Variants in ARPP21 observed in about 807,000 individuals in gnomAD.
ARPP21 encodes the protein cAMP regulated phosphoprotein 21, also known as cAMP-regulated phosphoprotein 21.
In ARPP21, 69 loss-of-function variants were observed where a neutral mutation model predicts 113.2. That is an observed-to-expected ratio of 0.61 (90% confidence interval 0.50 to 0.74). ARPP21 has a LOEUF of 0.74. Among genes scored for constraint, ARPP21 ranks in the 30% least tolerant of loss-of-function variants. The probability of loss-of-function intolerance (pLI) is 0.00; values close to 1 mark genes in which losing one functional copy is unlikely to be tolerated. For synonymous variants in ARPP21, 368 were observed against 375.5 expected (o/e 0.98, Z 0.23); for missense variants, 1,070 against 1,037.4 (o/e 1.03, Z -0.43).
intron 17 of ARPP21, 132 bp from the exon 18 acceptor site, chr3:35,739,184 AT>A: frequency 9.2e-7 from 1 of 1,085,478 alleles, no homozygotes. Context: ...GAATTATTTT[AT>A]TTTATTTTTT....
chr3:35,666,099 A>C (rs760573729), intron 1 of ARPP21, among the ~76,000 whole-genome samples: 7 of 152,082 alleles, frequency 4.6e-5, no homozygotes, highest in Non-Finnish European at 8.8e-5. Context: ...ATACTCAGTC[A>C]AGGAGATTAA....
chr3:35,756,373 C>G (rs1376670550), intron 19 of ARPP21, among the ~76,000 whole-genome samples: 4 of 152,094 alleles, frequency 2.6e-5, no homozygotes, highest in Non-Finnish European at 5.9e-5. Flanking sequence ...TAGTATGATT[C>G]CATGGCTGAG....
Position 35,737,491 on chromosome 3 carries a change from C to T in ARPP21, c.1644+129C>T, listed in dbSNP as rs937685579. On this transcript the variant is annotated intron_variant, in intron 16 of 20. Coordinates refer to ENST00000684406, the MANE Select transcript of ARPP21 (RefSeq NM_001385562.1). Reference sequence around the variant, plus strand: ...AAGCCTCACAAATAAAACCTGGCAGCATAGAGTTCTTTGCAGATTGACAGG... The same window carrying T: ...AAGCCTCACAAATAAAACCTGGCAGTATAGAGTTCTTTGCAGATTGACAGG... 17 of 586,122 alleles carry T rather than the reference C, an allele frequency of 2.9e-5. No homozygotes were observed. In the African/African-American group the frequency reaches 3.2e-4, roughly 11 times the overall value. The allele number at this position is 586,122 out of a possible 1,614,324, so 36.3% of individuals were successfully genotyped here.
At chr3:35,702,317 A>G (rs1393148027) in intron 9 of ARPP21, among the ~76,000 whole-genome samples, 1 of 151,626 alleles carries the variant, frequency 6.6e-6, no homozygotes, top group African/African-American at 2.4e-5. Context: ...TCTACTATAG[A>G]TTTTTCACTA....
chr3:35,793,631 C>A, intron 20 of ARPP21, 70 bp from the exon 21 acceptor site: 1 of 1,011,296 alleles, frequency 9.9e-7, no homozygotes, highest in Non-Finnish European at 1.6e-6. Flanking sequence ...TTTTTCATGA[C>A]ACCATGTTGT....
At chr3:35,695,715 G>A (rs936396125) in intron 9 of ARPP21, among the ~76,000 whole-genome samples, 9 of 151,494 alleles carry the variant, frequency 5.9e-5, no homozygotes, top group African/African-American at 1.9e-4. Flanking sequence ...TAAGGAGGGG[G>A]ATACATGGCA....
At chr3:35,729,659 C>A in intron 15 of ARPP21, 123 bp downstream of exon 15, 1 of 807,302 alleles carries the variant, frequency 1.2e-6, no homozygotes, top group Non-Finnish European at 2.0e-6. Context: ...GTTGCATGAA[C>A]TGTTATGAAG....
At chr3:35,710,405 A>G (rs1217546033) in intron 11 of ARPP21, among the ~76,000 whole-genome samples, 1 of 152,182 alleles carries the variant, frequency 6.6e-6, no homozygotes, top group Non-Finnish European at 1.5e-5. Context: ...TCCAGTCATA[A>G]TAAGGATGCC....
chr3:35,688,101 A>G (rs1234097291), intron 6 of ARPP21, among the ~76,000 whole-genome samples: 1 of 151,564 alleles, frequency 6.6e-6, no homozygotes, highest in Non-Finnish European at 1.5e-5. Context: ...TTAGGATCAC[A>G]TATTTCTTTG....
chr3:35,695,648 G>C (rs1437724579), intron 9 of ARPP21, among the ~76,000 whole-genome samples: 1 of 151,462 alleles, frequency 6.6e-6, no homozygotes, highest in Non-Finnish European at 1.5e-5. Context: ...TCCATTTCAT[G>C]GTTCAAATAG....
At chr3:35,653,713 C>T (rs1413025459) in intron 1 of ARPP21, among the ~76,000 whole-genome samples, 2 of 152,018 alleles carry the variant, frequency 1.3e-5, no homozygotes, top group Non-Finnish European at 2.9e-5. Context: ...TCATGAGTTA[C>T]GTATAAAATA....
intron 16 of ARPP21, 52 bp downstream of exon 16, chr3:35,737,414 A>G (rs1313596048): frequency 3.9e-6 from 5 of 1,286,304 alleles, no homozygotes; most frequent in East Asian, 2.4e-5. Context: ...GATGAAGGCT[A>G]CATAGTCCTC....
chr3:35,718,759 C>T (rs1461732486), intron 13 of ARPP21, among the ~76,000 whole-genome samples: 1 of 152,116 alleles, frequency 6.6e-6, no homozygotes, highest in South Asian at 2.1e-4. Flanking sequence ...TTAATCAGCA[C>T]AGAAGCAGAG....
intron 9 of ARPP21, 80 bp from the exon 10 acceptor site, chr3:35,706,894 T>G: frequency 1.9e-6 from 2 of 1,045,398 alleles, no homozygotes; most frequent in Admixed American, 2.2e-5. Context: ...AATGACACTG[T>G]GGGGGAAGAA....
rs925467470 is a variant in ARPP21 at position 35,648,022 on chromosome 3, G to GA, written c.-213+7633dup. 3.1e-4 allele frequency among the ~76,000 whole-genome samples: 47 copies of GA among 151,336 alleles called. 2 individuals are homozygous for GA. The South Asian group carries it at 7.7e-3, about 25-fold the overall frequency. On this transcript the variant is annotated intron_variant, in intron 1 of 20. Transcript: ENST00000684406. ...TTTAAGGATCCCCACCTCCATTTAA[G>GA]AAAAAAAAATATTTTGGTAATTTGG...
Position 35,721,788 on chromosome 3 carries a change from T to C in ARPP21, c.1179T>C (p.Gly393=), listed in dbSNP as rs1205856755. 3.1e-6 allele frequency: 5 copies of C among 1,612,924 alleles called. No individual in the cohort carries two copies. The highest frequency in any genetic ancestry group is 4.2e-6 in the Non-Finnish European group (5 of 1,179,516). ...GGGGCATCACGGTGCTGACCAGGGG[T>C]GACAGCACTTCCAGTACTAGGAGTA... The part of the protein sequence containing the change: ...SFGGITVLTR[G]DSTSSTRSTG... Residue 393 remains glycine (G), a synonymous_variant, in exon 14 of 21, where the codon GGT becomes GGC. Coordinates refer to ENST00000684406, the MANE Select transcript of ARPP21 (RefSeq NM_001385562.1).
chr3:35,689,300 G>A lies in ARPP21; in HGVS notation c.407-7G>A, dbSNP rs1403259653. 1 of 1,461,378 alleles carries A rather than the reference G, an allele frequency of 6.8e-7. No individual in the cohort carries two copies. The highest frequency in any genetic ancestry group is 2.3e-5 in the East Asian group (1 of 43,982). The allele number at this position is 1,461,378 out of a possible 1,614,324, so 90.5% of individuals were successfully genotyped here. ...TCCTGACAGCTCCGTCCTGCTATTT[G>A]TTTCAGATTGCAGCCAAGAATACAC... On this transcript the variant is annotated splice_polypyrimidine_tract_variant and splice_region_variant and intron_variant, in intron 6 of 20. Transcript: ENST00000684406.
At chr3:35,743,595 A>C (rs1312977167) in intron 18 of ARPP21, among the ~76,000 whole-genome samples, 1 of 152,148 alleles carries the variant, frequency 6.6e-6, no homozygotes, top group Admixed American at 6.5e-5. Flanking sequence ...AAAGACTCAG[A>C]CATCATTTCT....
At chr3:35,687,513 G>A (rs773789091) in intron 5 of ARPP21, among the ~76,000 whole-genome samples, 21 of 151,236 alleles carry the variant, frequency 1.4e-4, no homozygotes, top group Non-Finnish European at 2.5e-4. Flanking sequence ...TATTCATAAG[G>A]CAAAGTTTTA....
Sources: allele counts gnomAD v4.1 joint callset (sites outside exome capture counted in the v4.1 genomes callset), GRCh38; gene constraint gnomAD v4.1.1; transcripts MANE v1.5; gene names NCBI Gene and HGNC (gene_info 2026-07-23, HGNC 2026-07-21).